MYH7B: variants seen among roughly 807,000 people sequenced by gnomAD.
The protein encoded by MYH7B is myosin-7B.
In MYH7B, 205 loss-of-function variants were observed where a neutral mutation model predicts 234.5. The ratio of observed to expected loss-of-function variants is 0.87; its 90% confidence interval spans 0.78 to 0.98. MYH7B has a LOEUF of 0.98. Ranked by LOEUF, MYH7B falls within the 50% of genes least tolerant of loss-of-function variation. The pLI is 0.00. For missense variants in MYH7B, 2,652 were observed against 2,633.4 expected, an observed-to-expected ratio of 1.01 and a Z score of -0.15; for synonymous variants, 1,193 against 1,105.0, an observed-to-expected ratio of 1.08 and a Z score of -1.58.
chr20:34,977,188 C>T (rs1219709895), intron 3 of MYH7B, among the ~76,000 whole-genome samples: 1 of 151,980 alleles, frequency 6.6e-6, no homozygotes, highest in Non-Finnish European at 1.5e-5. Flanking sequence ...CATTGCTCGT[C>T]TGTGAGACTT....
At chr20:34,979,845 A>G (rs1382768390) in intron 7 of MYH7B, 41 bp downstream of exon 7, 1 of 1,553,378 alleles carries the variant, frequency 6.4e-7, no homozygotes, top group Non-Finnish European at 8.7e-7. Flanking sequence ...TGGGGCTTGT[A>G]TGTGGGGCGG....
At chr20:34,990,077 C>T in exon 21 of MYH7B, 1 of 1,614,170 alleles carries the variant, frequency 6.2e-7, no homozygotes, top group Non-Finnish European at 8.5e-7. Context: ...GACCGTGGTC[C>T]CCATCTTCCA....
chr20:34,987,078 C>T (rs917621020), intron 15 of MYH7B, 71 bp from the exon 16 acceptor site: 45 of 1,608,950 alleles, frequency 2.8e-5, no homozygotes, highest in South Asian at 3.3e-5. Flanking sequence ...TGAATGGTCC[C>T]GGGGCAGTGC....
At chr20:34,996,009 G>A (rs1204758788) in intron 28 of MYH7B, among the ~76,000 whole-genome samples, 1 of 139,480 alleles carries the variant, frequency 7.2e-6, no homozygotes, top group Non-Finnish European at 1.6e-5. Context: ...GTGAGGCAGG[G>A]GTAGGCAGCT....
intron 2 of MYH7B, among the ~76,000 whole-genome samples, chr20:34,965,512 G>A (rs2081734200): frequency 6.6e-6 from 1 of 152,220 alleles, no homozygotes; most frequent in Non-Finnish European, 1.5e-5. Flanking sequence ...CCTCTTCTGG[G>A]CATGCTGGCT....
At chr20:34,982,533 G>T (rs765314348) in exon 10 of MYH7B, 23 of 1,609,536 alleles carry the variant, frequency 1.4e-5, no homozygotes, top group Non-Finnish European at 1.9e-5. Flanking sequence ...GCTGCCCTGG[G>T]AGACGGGCCG....
chr20:34,967,528 C>T (rs940380203), intron 2 of MYH7B, among the ~76,000 whole-genome samples: 2 of 152,034 alleles, frequency 1.3e-5, no homozygotes, highest in Admixed American at 1.3e-4. Context: ...TGATTGACCA[C>T]GATCACAAGG....
intron 24 of MYH7B, among the ~76,000 whole-genome samples, chr20:34,992,263 G>A (rs1242710441): frequency 1.3e-5 from 2 of 151,868 alleles, no homozygotes; most frequent in African/African-American, 4.8e-5. Flanking sequence ...GCGGGAGCCT[G>A]TAGTCCCAGC....
chr20:34,992,385 CAAAAAAAA>C (rs57996416), intron 24 of MYH7B, among the ~76,000 whole-genome samples: 1 of 97,930 alleles, frequency 1.0e-5, no homozygotes, highest in African/African-American at 4.0e-5. Context: ...GACTCCGTCT[CAAAAAAAA>C]AAAAAAAAAA....
At chr20:34,999,842 T>C (rs1488373889) in exon 38 of MYH7B, 1 of 1,547,526 alleles carries the variant, frequency 6.5e-7, no homozygotes. Context: ...GCTGGAGCTC[T>C]CCCAGGTCAA....
Position 34,998,431 on chromosome 20 carries a change from G to A in MYH7B, c.3874+10G>A. 1 of 1,612,882 alleles carries A rather than the reference G, an allele frequency of 6.2e-7. No homozygotes were observed. The highest frequency in any genetic ancestry group is 8.5e-7 in the Non-Finnish European group (1 of 1,179,966). On this transcript the variant is annotated intron_variant, in intron 33 of 44. Coordinates refer to ENST00000262873, the Ensembl canonical transcript of MYH7B. ...CTACAGACGGAAAGCGGTGAGGCTGGGGCTCAGCTGGCCACACCAGGCAGG... is the reference window on the plus strand; with the variant it reads ...CTACAGACGGAAAGCGGTGAGGCTGAGGCTCAGCTGGCCACACCAGGCAGG...
exon 7 of MYH7B, chr20:34,979,701 C>T (rs375281565): frequency 3.5e-5 from 56 of 1,614,052 alleles, no homozygotes; most frequent in Non-Finnish European, 4.7e-5. Flanking sequence ...CCCATGAACC[C>T]GCCTCGCTTC....
rs2082304264 is a variant in MYH7B at position 34,998,428 on chromosome 20, C to T, written c.3874+7C>T. ...CGACTACAGACGGAAAGCGGTGAGG[C>T]TGGGGCTCAGCTGGCCACACCAGGC... On this transcript the variant is annotated splice_region_variant and intron_variant, in intron 33 of 44. Coordinates refer to ENST00000262873, the Ensembl canonical transcript of MYH7B. 6.2e-7 allele frequency: 1 copy of T among 1,612,824 alleles called. No individual in the cohort carries two copies. The highest frequency in any genetic ancestry group is 1.1e-5 in the South Asian group (1 of 91,062).
At chr20:34,977,731 C>CGGGGGGGGGGGGG (rs1600418033) in intron 4 of MYH7B, 51 bp downstream of exon 4, 4 of 147,176 alleles carry the variant, frequency 2.7e-5, no homozygotes, top group South Asian at 4.8e-5. Context: ...GGAGGGTGGG[C>CGGGGGGGGGGGGG]GGGTGGGTGA....
At chr20:34,986,842 G>A (rs199876693) in intron 14 of MYH7B, 44 bp from the exon 15 acceptor site, 20 of 1,510,984 alleles carry the variant, frequency 1.3e-5, no homozygotes, top group African/African-American at 6.9e-5. Context: ...GAGAATAGCC[G>A]GTAAGCACTG....
In MYH7B at chr20:34,999,552, A is replaced by T; in HGVS notation, c.4541-19A>T. 1 of 1,582,406 alleles carries T rather than the reference A, an allele frequency of 6.3e-7. No homozygotes were observed. Among genetic ancestry groups the T allele is most frequent in the Non-Finnish European group, 8.6e-7 (1 of 1,164,182 alleles). On this transcript the variant is annotated intron_variant, in intron 36 of 44. Coordinates refer to ENST00000262873, the Ensembl canonical transcript of MYH7B. ...GTACAAGCCATGGGGGTGGCCTCTC[A>T]GCACCCTGTCCACTGCAGAGGAGAT...
rs886931765 is a variant in MYH7B at position 34,990,229 on chromosome 20, A to G, written c.1901-5A>G. Reference sequence around the variant, plus strand: ...TGGAGTGACCAGGCCCCTTGTCTCTATTAGCTGAGCCCCCCAAGTCTGGGG... The same window carrying G: ...TGGAGTGACCAGGCCCCTTGTCTCTGTTAGCTGAGCCCCCCAAGTCTGGGG... On this transcript the variant is annotated splice_polypyrimidine_tract_variant and splice_region_variant and intron_variant, in intron 21 of 44. Transcript: ENST00000262873. 3.7e-6 allele frequency: 6 copies of G among 1,614,086 alleles called. No individual in the cohort carries two copies. Among genetic ancestry groups the G allele is most frequent in the Non-Finnish European group, 4.2e-6 (5 of 1,180,026 alleles).
At chr20:34,980,847 A>T (rs1401289624) in intron 8 of MYH7B, 113 bp downstream of exon 8, 1 of 1,514,626 alleles carries the variant, frequency 6.6e-7, no homozygotes, top group South Asian at 1.2e-5. Context: ...ACGCTGCTGG[A>T]CATGGTCGCC....
chr20:34,987,810 C>T lies in MYH7B; in HGVS notation c.1312C>T (p.Leu438=), dbSNP rs375804396. 2.5e-5 allele frequency: 41 copies of T among 1,614,030 alleles called. No homozygotes were observed. In the African/African-American group the frequency reaches 5.3e-4, roughly 21 times the overall value. ...TCTGGCCAAGGCCACCTATGACCGG[C>T]TGTTCAGGTGGCTGGTGTCTCGGAT... Residue 438 remains leucine, a synonymous_variant, in exon 18 of 45, where the codon CTG becomes TTG. Transcript: ENST00000262873.
Sources: allele counts gnomAD v4.1 joint callset (sites outside exome capture counted in the v4.1 genomes callset), GRCh38; gene constraint gnomAD v4.1.1; transcripts MANE v1.5; gene names NCBI Gene and HGNC (gene_info 2026-07-23, HGNC 2026-07-21).